The following TJP1 variants were observed in gnomAD, a reference collection of about 807,000 sequenced individuals.
The protein encoded by TJP1 is tight junction protein ZO-1.
Under a neutral mutation model 194.2 loss-of-function variants are expected in TJP1, and 43 were observed. The observed-to-expected ratio is 0.22, with a 90% CI of 0.17 to 0.29. The LOEUF (loss-of-function observed/expected upper bound fraction) is 0.29. TJP1 is among the 10% of genes least tolerant of loss of function. The pLI is 1.00. For synonymous variants in TJP1, 801 were observed against 779.0 expected, an observed-to-expected ratio of 1.03 and a Z score of -0.47; for missense variants, 1,971 against 2,185.7, an observed-to-expected ratio of 0.90 and a Z score of 1.96.
intron 1 of TJP1, among the ~76,000 whole-genome samples, chr15:29,809,804 C>T (rs2049362940): frequency 2.0e-5 from 3 of 151,934 alleles, no homozygotes; most frequent in Admixed American, 2.0e-4. Flanking sequence ...CAAGGTCATG[C>T]CATTGCACTC....
chr15:29,962,057 C>T (rs1285537743), intron 1 of TJP1, among the ~76,000 whole-genome samples: 2 of 152,188 alleles, frequency 1.3e-5, no homozygotes, highest in South Asian at 4.1e-4. Flanking sequence ...TGGCTACAGG[C>T]CAAATGTGGA....
intron 2 of TJP1, among the ~76,000 whole-genome samples, chr15:29,953,165 G>T (rs555406592): frequency 3.5e-5 from 1 of 28,984 alleles, no homozygotes; most frequent in East Asian, 0.05. Flanking sequence ...TTTTTGCAAC[G>T]GAGTCTCGCT....
intron 2 of TJP1, among the ~76,000 whole-genome samples, chr15:29,924,222 A>G (rs1053967983): frequency 1.3e-5 from 2 of 152,098 alleles, no homozygotes; most frequent in African/African-American, 4.8e-5. Context: ...CTACAGGCAC[A>G]CGCCACCACA....
At chr15:29,968,802 C>A in exon 1 of TJP1, 1 of 1,169,288 alleles carries the variant, frequency 8.6e-7, no homozygotes, top group South Asian at 1.4e-5. Flanking sequence ...CCGCCGCCTC[C>A]GCCGCCGCCG....
In TJP1 at chr15:29,773,215, G is replaced by A. The variant is rs897942982; in HGVS notation, c.209+18C>T. On this transcript the variant is annotated intron_variant, in intron 3 of 27. Coordinates refer to ENST00000614355, the MANE Select transcript of TJP1 (RefSeq NM_001330239.4). ...ACACTGCTTGTTGCACAGTGCCCACGATAAGCAGCACTCTTACTGTAGCTG... is the reference window on the plus strand; with the variant it reads ...ACACTGCTTGTTGCACAGTGCCCACAATAAGCAGCACTCTTACTGTAGCTG... 3.7e-6 allele frequency: 6 copies of A among 1,612,940 alleles called. No homozygotes were observed. The highest frequency in any genetic ancestry group is 2.2e-5 in the East Asian group (1 of 44,840).
At chr15:29,935,561 C>A (rs1212558294) in intron 2 of TJP1, among the ~76,000 whole-genome samples, 5 of 152,154 alleles carry the variant, frequency 3.3e-5, no homozygotes, top group African/African-American at 1.2e-4. Context: ...CCTGGCTTTT[C>A]CAGTCCTGGA....
chr15:29,928,490 T>G (rs1298409848), intron 2 of TJP1, among the ~76,000 whole-genome samples: 1 of 152,238 alleles, frequency 6.6e-6, no homozygotes, highest in Non-Finnish European at 1.5e-5. Flanking sequence ...TGAACATATG[T>G]GTAACCTATG....
intron 2 of TJP1, among the ~76,000 whole-genome samples, chr15:29,943,465 T>C (rs941041597): frequency 6.6e-6 from 1 of 151,208 alleles, no homozygotes; most frequent in Admixed American, 6.6e-5. Flanking sequence ...TCGTCTCTAC[T>C]GAAAACACAA....
chr15:29,827,758 T>G (rs1334240138), intron 2 of TJP1, among the ~76,000 whole-genome samples: 1 of 152,152 alleles, frequency 6.6e-6, no homozygotes, highest in African/African-American at 2.4e-5. Flanking sequence ...AAGAAAAAGC[T>G]TTAGGTGTAC....
chr15:29,711,662 C>T (rs1439559689), intron 23 of TJP1, among the ~76,000 whole-genome samples: 2 of 152,092 alleles, frequency 1.3e-5, no homozygotes, highest in Admixed American at 6.6e-5. Flanking sequence ...CCACCGCACC[C>T]GGCCCTAGAC....
intron 2 of TJP1, among the ~76,000 whole-genome samples, chr15:29,911,322 G>A (rs2054004629): frequency 3.9e-5 from 6 of 152,150 alleles, no homozygotes. Flanking sequence ...ACCGGGCAAG[G>A]CATAATGGAA....
At chr15:29,939,301 C>A (rs1174484325) in intron 2 of TJP1, among the ~76,000 whole-genome samples, 4 of 152,264 alleles carry the variant, frequency 2.6e-5, no homozygotes, top group African/African-American at 9.6e-5. Context: ...AGTGCCCTGT[C>A]AGTACTGGGG....
chr15:29,724,888 G>A (rs150894063), intron 18 of TJP1, among the ~76,000 whole-genome samples: 95 of 152,190 alleles, frequency 6.2e-4, no homozygotes, highest in African/African-American at 2.3e-3. Context: ...AAGCACACAA[G>A]ACTATCACTA....
intron 1 of TJP1, among the ~76,000 whole-genome samples, chr15:29,966,640 G>A (rs1320799776): frequency 2.1e-5 from 3 of 143,460 alleles, no homozygotes; most frequent in African/African-American, 7.9e-5. Flanking sequence ...AAGCTTTCTG[G>A]TACATTTGTA....
At chr15:29,778,585 C>T (rs2047161674) in intron 2 of TJP1, among the ~76,000 whole-genome samples, 1 of 152,098 alleles carries the variant, frequency 6.6e-6, no homozygotes, top group South Asian at 2.1e-4. Context: ...TAGATCCTTG[C>T]CCCAAGTCCA....
chr15:29,819,790 T>C lies in TJP1; in HGVS notation c.27+2212A>G, dbSNP rs45563136. Among the ~76,000 whole-genome samples the C allele has an allele frequency of 4.0e-3, 612 of 152,348 alleles. 5 individuals carry two copies. The highest frequency in any genetic ancestry group is 7.0e-3 in the Admixed American group (107 of 15,308). On this transcript the variant is annotated intron_variant, in intron 1 of 27. Transcript: ENST00000614355. ...TTCAGATCTCACTTTATGTCCTTCA[T>C]TAAGATTCCAGTAGCTCACCAATAT...
intron 2 of TJP1, among the ~76,000 whole-genome samples, chr15:29,900,891 G>C (rs1394258941): frequency 1.3e-5 from 2 of 152,144 alleles, no homozygotes; most frequent in Non-Finnish European, 2.9e-5. Flanking sequence ...TATAGTACAA[G>C]CTTCCCCAGC....
chr15:29,782,465 A>G (rs2047424870), intron 2 of TJP1, among the ~76,000 whole-genome samples: 1 of 152,216 alleles, frequency 6.6e-6, no homozygotes, highest in Non-Finnish European at 1.5e-5. Context: ...TATTCAATAA[A>G]TGGTGCTGGG....
intron 2 of TJP1, among the ~76,000 whole-genome samples, chr15:29,893,820 C>G (rs2053391063): frequency 6.6e-6 from 1 of 152,080 alleles, no homozygotes; most frequent in African/African-American, 2.4e-5. Context: ...GGTCTGGAAT[C>G]TAACCCACAA....
Sources: allele counts gnomAD v4.1 joint callset (sites outside exome capture counted in the v4.1 genomes callset), GRCh38; gene constraint gnomAD v4.1.1; transcripts MANE v1.5; gene names NCBI Gene and HGNC (gene_info 2026-07-23, HGNC 2026-07-21).